CYTH1: variants seen among roughly 807,000 people sequenced by gnomAD.
CYTH1 encodes the protein cytohesin 1.
Under a neutral mutation model 61.8 loss-of-function variants are expected in CYTH1, and 18 were observed. The observed-to-expected ratio is 0.29, with a 90% CI of 0.20 to 0.43. The LOEUF (loss-of-function observed/expected upper bound fraction) is 0.43. CYTH1 is among the 20% of genes least tolerant of loss of function. The pLI, the probability that CYTH1 is intolerant of heterozygous loss-of-function variation, is 1.00. For synonymous variants in CYTH1, 174 were observed against 184.3 expected (o/e 0.94, Z 0.45); for missense variants, 336 against 510.5 (o/e 0.66, Z 3.29).
chr17:78,690,516 C>T (rs2092873041), intron 11 of CYTH1, among the ~76,000 whole-genome samples: 2 of 148,230 alleles, frequency 1.3e-5, no homozygotes, highest in Admixed American at 1.3e-4. Flanking sequence ...CCCATCCCAT[C>T]TCTACTTAAA....
chr17:78,710,769 G>A (rs1461868576), intron 1 of CYTH1, among the ~76,000 whole-genome samples: 4 of 152,208 alleles, frequency 2.6e-5, no homozygotes, highest in South Asian at 4.1e-4. Context: ...AAGCTCAGAA[G>A]TGTTGGCTCT....
intron 1 of CYTH1, among the ~76,000 whole-genome samples, chr17:78,768,645 T>C (rs570597006): frequency 6.6e-6 from 1 of 152,142 alleles, no homozygotes; most frequent in South Asian, 2.1e-4. Context: ...ATTTTTTCTC[T>C]CCTACCTCCT....
Position 78,675,008 on chromosome 17 carries a change from A to C in CYTH1, c.*1083T>G, listed in dbSNP as rs1473857199. ...GCCCACCACAAAATGCATCCAGAGT[A>C]GTCCAGTTAGGGCTGGTTTTGAGGC... On this transcript the variant is annotated 3_prime_UTR_variant, in exon 14 of 14. Coordinates refer to ENST00000446868, the MANE Select transcript of CYTH1 (RefSeq NM_004762.6). The C allele has an allele frequency of 6.6e-6, 1 of 152,362 alleles. No homozygotes were observed. Among genetic ancestry groups the C allele is most frequent in the African/African-American group, 2.4e-5 (1 of 41,456 alleles). 9.4% of individuals were successfully genotyped at this position (152,362 alleles called of 1,614,324 possible).
intron 13 of CYTH1, chr17:78,677,069 G>A (rs763092505): frequency 4.4e-6 from 2 of 456,084 alleles, no homozygotes; most frequent in Non-Finnish European, 8.8e-6. Flanking sequence ...AAGAGACAGT[G>A]TGTCCATGAG....
rs117738036 is a variant in CYTH1, at chr17:78,765,160, G to A, written c.22+17042C>T. 6.2e-3 allele frequency among the ~76,000 whole-genome samples: 948 copies of A among 152,186 alleles called. 40 individuals carry two copies. The East Asian group carries it at 0.12, about 19-fold the overall frequency. On this transcript the variant is annotated intron_variant, in intron 1 of 13. Coordinates refer to ENST00000446868, the MANE Select transcript of CYTH1 (RefSeq NM_004762.6). ...AGTTTGCTGAGTGCATGAGCAGAGGGGCATGGGTATCCCTGATGGGTCCCA... is the reference window on the plus strand; with the variant it reads ...AGTTTGCTGAGTGCATGAGCAGAGGAGCATGGGTATCCCTGATGGGTCCCA...
Position 78,715,804 on chromosome 17 carries a change from C to T in CYTH1, c.23-6072G>A, listed in dbSNP as rs572075880. ...TCTACATTCCTGTCATGGTGCTGGTCGCTGGTAGTTAACTTACAGAATCAC... is the reference window on the plus strand; with the variant it reads ...TCTACATTCCTGTCATGGTGCTGGTTGCTGGTAGTTAACTTACAGAATCAC... On this transcript the variant is annotated intron_variant, in intron 1 of 13. Coordinates refer to ENST00000446868, the MANE Select transcript of CYTH1 (RefSeq NM_004762.6). Among the ~76,000 whole-genome samples the T allele has an allele frequency of 1.2e-4, 18 of 152,224 alleles. No individual in the cohort carries two copies. The East Asian group carries it at 2.3e-3, about 20-fold the overall frequency.
At chr17:78,708,123 G>A (rs551065489) in intron 3 of CYTH1, 74 bp downstream of exon 3, 44 of 1,465,088 alleles carry the variant, frequency 3.0e-5, no homozygotes, top group Admixed American at 8.5e-5. Context: ...AATGTGCCAC[G>A]TAAGCATAAT....
chr17:78,738,259 G>A (rs944685014), intron 1 of CYTH1, among the ~76,000 whole-genome samples: 2 of 152,148 alleles, frequency 1.3e-5, no homozygotes, highest in Non-Finnish European at 2.9e-5. Context: ...ATCCCATGGG[G>A]TGAGTGTCCT....
intron 5 of CYTH1, 150 bp downstream of exon 5, chr17:78,701,972 C>A: frequency 1.3e-6 from 1 of 772,380 alleles, no homozygotes; most frequent in Non-Finnish European, 2.2e-6. Flanking sequence ...CATCACTATT[C>A]CCCAGAAAAG....
In CYTH1 at chr17:78,700,346, C is replaced by T. The variant is rs138054490; in HGVS notation, c.535G>A (p.Val179Met). The T allele has an allele frequency of 7.4e-6, 12 of 1,612,102 alleles. No individual in the cohort carries two copies. Among genetic ancestry groups the T allele is most frequent in the Non-Finnish European group, 9.3e-6 (11 of 1,179,128 alleles). ...TCGTATTTACCCGTGGACTGGAACA[C>T]GCCATTATTGCACTGACAATATCGC... Reference protein sequence around the residue: ...AQRYCQCNNGVFQSTDTCYVL... With the variant: ...AQRYCQCNNGMFQSTDTCYVL... The change falls in exon 7 of 14, where the codon GTG becomes ATG. Residue 179 changes from valine (V) to methionine (M), a missense_variant. By Grantham distance (21) the Val-to-Met change is conservative (BLOSUM62 1). Coordinates refer to ENST00000446868, the MANE Select transcript of CYTH1 (RefSeq NM_004762.6). This position sits in a 1 kb window ranked among gnomAD's most constrained non-coding sequence, Gnocchi z 5.1.
chr17:78,727,812 C>T (rs1195768451), intron 1 of CYTH1: 4 of 442,700 alleles, frequency 9.0e-6, no homozygotes, highest in Non-Finnish European at 1.9e-5. Flanking sequence ...TATCTCCTGC[C>T]CATGCAGGGG....
intron 9 of CYTH1, 134 bp downstream of exon 9, chr17:78,698,135 A>G (rs904143165): frequency 3.3e-5 from 25 of 753,656 alleles, no homozygotes; most frequent in Non-Finnish European, 1.8e-5. Context: ...ATGCGCGTGC[A>G]CACACACGCA....
intron 11 of CYTH1, among the ~76,000 whole-genome samples, chr17:78,687,011 C>G (rs1310635939): frequency 6.6e-6 from 1 of 152,080 alleles, no homozygotes; most frequent in East Asian, 1.9e-4. Flanking sequence ...GAACTCCCAA[C>G]CTCAGGTGAT....
chr17:78,762,244 T>C (rs778570525), intron 1 of CYTH1, among the ~76,000 whole-genome samples: 6 of 152,212 alleles, frequency 3.9e-5, no homozygotes, highest in Non-Finnish European at 8.8e-5. Flanking sequence ...GTTCCGGTAA[T>C]TTGATGACAA....
chr17:78,716,929 C>T (rs1206483768), intron 1 of CYTH1: 3 of 152,310 alleles, frequency 2.0e-5, no homozygotes, highest in African/African-American at 7.2e-5. Context: ...CCATGTCTAC[C>T]TCACAGCCCG....
At chr17:78,726,697 G>A (rs1342238656) in intron 1 of CYTH1, among the ~76,000 whole-genome samples, 1 of 151,866 alleles carries the variant, frequency 6.6e-6, no homozygotes, top group Non-Finnish European at 1.5e-5. Flanking sequence ...AGACTGTGGT[G>A]CCTTTGAATT....
At chr17:78,720,139 T>C (rs2093215631) in intron 1 of CYTH1, among the ~76,000 whole-genome samples, 1 of 151,982 alleles carries the variant, frequency 6.6e-6, no homozygotes, top group Non-Finnish European at 1.5e-5. Context: ...GGTTTCAGTT[T>C]TGCAAGATGA....
At chr17:78,681,668 G>A (rs1278123503) in intron 11 of CYTH1, among the ~76,000 whole-genome samples, 3 of 152,030 alleles carry the variant, frequency 2.0e-5, no homozygotes, top group African/African-American at 4.8e-5. Flanking sequence ...CACGCCTGAC[G>A]GCAGTTTCAC....
intron 1 of CYTH1, among the ~76,000 whole-genome samples, chr17:78,731,627 G>A (rs555606822): frequency 1.3e-5 from 2 of 151,692 alleles, no homozygotes; most frequent in African/African-American, 2.4e-5. Context: ...GAGTGGTGGC[G>A]GGCGCCTGTA....
Sources: allele counts gnomAD v4.1 joint callset (sites outside exome capture counted in the v4.1 genomes callset), GRCh38; gene constraint gnomAD v4.1.1; non-coding constraint Gnocchi (gnomAD v3.1); transcripts MANE v1.5; gene names NCBI Gene and HGNC (gene_info 2026-07-23, HGNC 2026-07-21).